The following BLOC1S2 variants were observed in gnomAD, a reference collection of about 807,000 sequenced individuals.
The protein encoded by BLOC1S2 is biogenesis of lysosomal organelles complex 1 subunit 2, also known as biogenesis of lysosome-related organelles complex 1 subunit 2.
In BLOC1S2, 12 loss-of-function variants were observed where a neutral mutation model predicts 19.6. The ratio of observed to expected loss-of-function variants is 0.61; its 90% CI spans 0.39 to 0.99. The LOEUF (loss-of-function observed/expected upper bound fraction) is 0.99, where lower values mean the gene tolerates loss of function less well. Among genes scored for constraint, BLOC1S2 ranks in the 50% least tolerant of loss-of-function variants. The probability of loss-of-function intolerance (pLI) is 0.00; values close to 1 mark genes in which losing one functional copy is unlikely to be tolerated. For synonymous variants in BLOC1S2, 66 were observed against 64.1 expected (o/e 1.03, Z -0.14); for missense variants, 142 against 171.0 (o/e 0.83, Z 0.95).
rs1249862991 is a variant in BLOC1S2 at position 100,273,571 on chromosome 10, A to C, written c.*1891T>G. The stretch of plus-strand genomic sequence containing the variant: ...TCAACATGGCTGGGTGCGGTGGCTC[A>C]CACCTGTAATCCCAGCACTTTGGGA... On this transcript the variant is annotated 3_prime_UTR_variant, in exon 5 of 5. Transcript: ENST00000370372. 6.6e-6 allele frequency: 1 copy of C among 152,234 alleles called. No homozygotes were observed. The highest frequency in any genetic ancestry group is 2.4e-5 in the African/African-American group (1 of 41,460). The allele number at this position is 152,234 out of a possible 1,614,324, so 9.4% of individuals were successfully genotyped here. A position where few individuals can be genotyped will look rare whatever the true frequency, so the allele number is the denominator to read the frequency against.
intron 2 of BLOC1S2, 67 bp downstream of exon 2, chr10:100,286,030 T>C (rs1188067334): frequency 3.8e-6 from 6 of 1,581,154 alleles, no homozygotes; most frequent in Non-Finnish European, 5.2e-6. Flanking sequence ...TGCAGACTGA[T>C]GCTGCTAACC....
intron 2 of BLOC1S2, among the ~76,000 whole-genome samples, chr10:100,285,523 G>C (rs1051355529): frequency 2.0e-5 from 3 of 152,142 alleles, no homozygotes; most frequent in African/African-American, 4.8e-5. Context: ...CGGCCTCTGG[G>C]ATTAAAGGCA....
intron 4 of BLOC1S2, among the ~76,000 whole-genome samples, chr10:100,277,674 G>A (rs1317194245): frequency 2.3e-5 from 3 of 129,006 alleles, no homozygotes; most frequent in Non-Finnish European, 3.3e-5. Flanking sequence ...CAGCCCCCCC[G>A]CCCGGCCAGC....
intron 2 of BLOC1S2, among the ~76,000 whole-genome samples, chr10:100,284,353 TAAAC>T (rs1303386501): frequency 6.6e-6 from 1 of 152,160 alleles, no homozygotes; most frequent in Non-Finnish European, 1.5e-5. Flanking sequence ...TGCTCAAAAA[TAAAC>T]AAACAAATAA....
intron 4 of BLOC1S2, among the ~76,000 whole-genome samples, chr10:100,279,206 T>C (rs1346184406): frequency 6.6e-6 from 1 of 152,262 alleles, no homozygotes; most frequent in African/African-American, 2.4e-5. Flanking sequence ...TACTAGTTTC[T>C]TCCTCAAAGG....
chr10:100,275,586 T>C, intron 4 of BLOC1S2, 93 bp from the exon 5 acceptor site: 3 of 1,115,262 alleles, frequency 2.7e-6, no homozygotes, highest in Non-Finnish European at 3.9e-6. Context: ...AAAAAATATG[T>C]ATAATATTAC....
At chr10:100,281,241 A>C (rs1405271565) in intron 2 of BLOC1S2, among the ~76,000 whole-genome samples, 188 bp from the exon 3 acceptor site, 1 of 152,246 alleles carries the variant, frequency 6.6e-6, no homozygotes, top group African/African-American at 2.4e-5. Context: ...TTCAGGCAAC[A>C]ATCAGAAAAC....
Position 100,286,654 on chromosome 10 carries a change from C to A in BLOC1S2, c.6G>T (p.Ala2=), listed in dbSNP as rs780227252. 1.2e-6 allele frequency: 2 copies of A among 1,610,846 alleles called. No homozygotes were observed. Among genetic ancestry groups the A allele is most frequent in the Middle Eastern group, 1.7e-4 (1 of 6,032 alleles). The change falls in exon 1 of 5, where the codon GCG becomes GCT. Residue 2 remains alanine, a synonymous_variant. Coordinates refer to ENST00000370372, the MANE Select transcript of BLOC1S2 (RefSeq NM_173809.5). M[A]AAAEGVLATR... ...TCGCCAGTACGCCCTCGGCTGCCGCCGCCATAGCGGACCCCGCGCTGTTTC... is the reference window on the plus strand; with the variant it reads ...TCGCCAGTACGCCCTCGGCTGCCGCAGCCATAGCGGACCCCGCGCTGTTTC...
intron 4 of BLOC1S2, among the ~76,000 whole-genome samples, chr10:100,275,851 C>A (rs992441802): frequency 1.3e-5 from 2 of 152,224 alleles, no homozygotes; most frequent in Non-Finnish European, 2.9e-5. Flanking sequence ...TGGAACCAGA[C>A]TGGAACCCTC....
chr10:100,280,413 G>A (rs914524674), intron 3 of BLOC1S2, among the ~76,000 whole-genome samples, 185 bp from the exon 4 acceptor site: 2 of 152,194 alleles, frequency 1.3e-5, no homozygotes, highest in Admixed American at 6.5e-5. Context: ...GATCAGGCAC[G>A]ACTGTGGCCC....
intron 4 of BLOC1S2, among the ~76,000 whole-genome samples, chr10:100,278,541 C>CTGTGCTCTCTGAAACATGTGCTG (rs1218867077): frequency 1.3e-5 from 2 of 151,978 alleles, no homozygotes; most frequent in African/African-American, 4.8e-5. Flanking sequence ...ACCCCCAACC[C>CTGTGCTCTCTGAAACATGTGCTG]TGTGCTCTCT....
intron 2 of BLOC1S2, among the ~76,000 whole-genome samples, chr10:100,284,469 T>A (rs1848185428): frequency 6.6e-6 from 1 of 152,174 alleles, no homozygotes; most frequent in Admixed American, 6.5e-5. Context: ...GAGGCCAGCT[T>A]GGGCAACGGA....
intron 2 of BLOC1S2, among the ~76,000 whole-genome samples, chr10:100,283,750 T>C (rs1191208148): frequency 2.6e-5 from 4 of 151,934 alleles, no homozygotes; most frequent in Non-Finnish European, 5.9e-5. Context: ...TGGCGTGTGC[T>C]TGTAATCCCA....
chr10:100,276,043 T>G (rs1847839476), intron 4 of BLOC1S2, among the ~76,000 whole-genome samples: 1 of 152,168 alleles, frequency 6.6e-6, no homozygotes, highest in Non-Finnish European at 1.5e-5. Flanking sequence ...AAAAAGGGAC[T>G]CTGTCACAAA....
Position 100,286,086 on chromosome 10 carries a change from C to G in BLOC1S2, c.172+11G>C. 1 of 1,613,410 alleles carries G rather than the reference C, an allele frequency of 6.2e-7. No homozygotes were observed. ...CAAACCGCACCCGAATCAACCCAGA[C>G]CCCGCCTCACCCGTCAGTTCCCCAG... On this transcript the variant is annotated intron_variant, in intron 2 of 4. Coordinates refer to ENST00000370372, the MANE Select transcript of BLOC1S2 (RefSeq NM_173809.5).
intron 1 of BLOC1S2, 82 bp from the exon 2 acceptor site, chr10:100,286,295 A>C (rs990563607): frequency 5.9e-6 from 9 of 1,532,824 alleles, no homozygotes; most frequent in Non-Finnish European, 7.9e-6. Flanking sequence ...ACATCCCTCC[A>C]CTTGCCTTCA....
intron 4 of BLOC1S2, among the ~76,000 whole-genome samples, chr10:100,276,483 G>GTCTCCC (rs1235737714): frequency 1.2e-5 from 1 of 82,912 alleles, no homozygotes; most frequent in Admixed American, 1.5e-4. Context: ...TCCCTCTCCC[G>GTCTCCC]TCTCCCTCTC....
At chr10:100,284,393 A>G (rs1848184011) in intron 2 of BLOC1S2, among the ~76,000 whole-genome samples, 1 of 152,238 alleles carries the variant, frequency 6.6e-6, no homozygotes, top group East Asian at 1.9e-4. Flanking sequence ...ACAGAGTCAC[A>G]GCTGGGTGCA....
intron 4 of BLOC1S2, among the ~76,000 whole-genome samples, chr10:100,276,225 G>C (rs1340495760): frequency 6.6e-6 from 1 of 152,138 alleles, no homozygotes; most frequent in East Asian, 1.9e-4. Context: ...GAAGTAGTCA[G>C]CCCTTGTTAA....
Sources: gnomAD v4.1 joint callset for allele counts (sites outside exome capture counted in the v4.1 genomes callset) on GRCh38, gnomAD v4.1.1 for gene constraint, MANE v1.5 for transcripts, NCBI Gene and HGNC (gene_info 2026-07-23, HGNC 2026-07-21) for gene names.